CNTN6: variants seen among roughly 807,000 people sequenced by gnomAD.
The protein encoded by CNTN6 is contactin-6.
Under a neutral mutation model 122.8 loss-of-function variants are expected in CNTN6, and 137 were observed. The observed-to-expected ratio is 1.12, with a 90% CI of 0.97 to 1.29. The LOEUF is 1.29. Ranked by LOEUF, CNTN6 falls within the 50% of genes most tolerant of loss-of-function variation. The pLI is 0.00. For synonymous variants in CNTN6, 570 were observed against 426.0 expected (o/e 1.34, Z -4.16); for missense variants, 1,634 against 1,223.4 (o/e 1.34, Z -5.01).
intron 4 of CNTN6, among the ~76,000 whole-genome samples, chr3:1,257,363 A>G (rs565309818): frequency 2.0e-5 from 3 of 152,178 alleles, no homozygotes; most frequent in East Asian, 1.9e-4. Flanking sequence ...TTGTAATTCA[A>G]TTTCTCTCTC....
chr3:1,305,037 AGC>A (rs1274945731), intron 7 of CNTN6, among the ~76,000 whole-genome samples: 3 of 151,668 alleles, frequency 2.0e-5, no homozygotes, highest in Non-Finnish European at 4.4e-5. Context: ...TAAAAATTCA[AGC>A]TGTGTTTTAA....
chr3:1,155,832 C>A (rs78668282), intron 2 of CNTN6, among the ~76,000 whole-genome samples: 5 of 152,168 alleles, frequency 3.3e-5, no homozygotes, highest in Non-Finnish European at 7.3e-5. Flanking sequence ...TACAGTTTCT[C>A]TCTATTTTGA....
intron 11 of CNTN6, among the ~76,000 whole-genome samples, chr3:1,343,743 A>T (rs531829621): frequency 6.6e-6 from 1 of 152,208 alleles, no homozygotes; most frequent in South Asian, 2.1e-4. Context: ...AATGTATTTA[A>T]TTCTCAAAAC....
chr3:1,241,602 T>C (rs1221527830), intron 4 of CNTN6, among the ~76,000 whole-genome samples: 6 of 152,130 alleles, frequency 3.9e-5, no homozygotes, highest in Non-Finnish European at 5.9e-5. Context: ...GGACATCCAA[T>C]TAGAGAGTGC....
chr3:1,126,474 C>A (rs2092164129), intron 1 of CNTN6, among the ~76,000 whole-genome samples: 1 of 151,738 alleles, frequency 6.6e-6, no homozygotes, highest in Admixed American at 6.6e-5. Flanking sequence ...TCTCATTATA[C>A]CCCAGGTCAC....
At chr3:1,233,415 T>A (rs1481873838) in intron 4 of CNTN6, among the ~76,000 whole-genome samples, 1 of 131,106 alleles carries the variant, frequency 7.6e-6, no homozygotes, top group East Asian at 6.6e-4. Flanking sequence ...TTCTGAATAA[T>A]GTTAAGGATG....
At chr3:1,344,622 G>T (rs1472127954) in intron 11 of CNTN6, among the ~76,000 whole-genome samples, 1 of 152,102 alleles carries the variant, frequency 6.6e-6, no homozygotes, top group East Asian at 1.9e-4. Context: ...TGTCTGGCAG[G>T]TTCTGTGAAG....
intron 2 of CNTN6, among the ~76,000 whole-genome samples, chr3:1,148,718 T>A (rs1240133011): frequency 1.3e-5 from 2 of 152,318 alleles, no homozygotes; most frequent in Non-Finnish European, 1.5e-5. Flanking sequence ...AATCATGTAT[T>A]TAGTTGACAA....
chr3:1,163,098 G>A (rs547802526), intron 2 of CNTN6, among the ~76,000 whole-genome samples: 2 of 152,316 alleles, frequency 1.3e-5, no homozygotes, highest in South Asian at 4.1e-4. Context: ...AAGATGAGAA[G>A]CGTTACACAG....
intron 17 of CNTN6, among the ~76,000 whole-genome samples, chr3:1,381,312 T>C (rs1280385531): frequency 6.6e-6 from 1 of 150,400 alleles, no homozygotes; most frequent in Non-Finnish European, 1.5e-5. Flanking sequence ...GAAGTGTTAA[T>C]ATGAGGAAAT....
At chr3:1,337,836 C>G (rs1275097583) in intron 11 of CNTN6, among the ~76,000 whole-genome samples, 5 of 152,062 alleles carry the variant, frequency 3.3e-5, no homozygotes, top group African/African-American at 1.2e-4. Context: ...GAAGATGTAA[C>G]AAGCTAAAAT....
intron 1 of CNTN6, among the ~76,000 whole-genome samples, chr3:1,142,966 G>GTATATATATATA (rs1408347529): frequency 3.1e-4 from 30 of 96,614 alleles, no homozygotes; most frequent in African/African-American, 1.2e-3. Flanking sequence ...GTGTGTGTGT[G>GTATATATATATA]TGTATATATA....
At chr3:1,151,821 G>T (rs1489785574) in intron 2 of CNTN6, among the ~76,000 whole-genome samples, 4 of 152,058 alleles carry the variant, frequency 2.6e-5, no homozygotes, top group Non-Finnish European at 4.4e-5. Context: ...ACAGAACTCT[G>T]CTGGGATAAA....
At chr3:1,161,736 T>C (rs1325362609) in intron 2 of CNTN6, among the ~76,000 whole-genome samples, 1 of 150,306 alleles carries the variant, frequency 6.7e-6, no homozygotes, top group African/African-American at 2.5e-5. Context: ...CAAGACCCCA[T>C]GGTGCCCTTA....
intron 2 of CNTN6, among the ~76,000 whole-genome samples, chr3:1,197,128 T>C (rs1034954096): frequency 4.6e-5 from 7 of 152,216 alleles, no homozygotes; most frequent in African/African-American, 1.7e-4. Flanking sequence ...CCTGAGAGAA[T>C]TTCTCAACCA....
At chr3:1,234,408 A>C (rs11925058) in intron 4 of CNTN6, among the ~76,000 whole-genome samples, 60,994 of 151,916 alleles carry the variant, frequency 0.4, 12,608 homozygotes, top group South Asian at 0.48. Context: ...AAGAACAAAA[A>C]CCCTCACATT....
chr3:1,249,522 T>C (rs1487800059), intron 4 of CNTN6, among the ~76,000 whole-genome samples: 2 of 152,208 alleles, frequency 1.3e-5, no homozygotes, highest in Non-Finnish European at 2.9e-5. Flanking sequence ...CCAGAAATAC[T>C]ATCCTCCTAG....
At chr3:1,301,024 CTTTTTTTTTTTTT>C (rs562912841) in intron 7 of CNTN6, among the ~76,000 whole-genome samples, 5 of 93,274 alleles carry the variant, frequency 5.4e-5, no homozygotes, top group African/African-American at 8.7e-5. Context: ...AGTCCCTAAA[CTTTTTTTTTTTTT>C]TTTTTTTTTT....
intron 12 of CNTN6, among the ~76,000 whole-genome samples, chr3:1,363,414 C>T (rs1477527404): frequency 2.6e-5 from 4 of 151,890 alleles, no homozygotes; most frequent in Non-Finnish European, 5.9e-5. Flanking sequence ...CAGAATCTTC[C>T]CATTTTCCTC....
Sources: allele counts gnomAD v4.1 joint callset (sites outside exome capture counted in the v4.1 genomes callset), GRCh38; gene constraint gnomAD v4.1.1; transcripts MANE v1.5; gene names NCBI Gene and HGNC (gene_info 2026-07-23, HGNC 2026-07-21).